The following PRKCA variants were observed in gnomAD, a reference collection of about 807,000 sequenced individuals.
The protein encoded by PRKCA is protein kinase C alpha type.
A neutral mutation model predicts 87.0 loss-of-function variants in PRKCA; 27 were observed. That is an observed-to-expected ratio of 0.31 (90% confidence interval 0.23 to 0.43). PRKCA has a LOEUF of 0.43. PRKCA is among the 20% of genes least tolerant of loss of function. PRKCA has a pLI of 1.00. For synonymous variants in PRKCA, 329 were observed against 311.1 expected (o/e 1.06, Z -0.61); for missense variants, 518 against 852.3 (o/e 0.61, Z 4.88).
At chr17:66,545,915 G>A (rs1968133139) in intron 3 of PRKCA, among the ~76,000 whole-genome samples, 1 of 152,200 alleles carries the variant, frequency 6.6e-6, no homozygotes, top group Admixed American at 6.5e-5. Context: ...AAACCTTACT[G>A]AGACTTGTTA....
intron 3 of PRKCA, among the ~76,000 whole-genome samples, chr17:66,497,559 T>C (rs1916532390): frequency 1.3e-5 from 2 of 151,606 alleles, no homozygotes; most frequent in East Asian, 1.9e-4. Context: ...ATATGTTGGA[T>C]AGAGAGAAAC....
intron 3 of PRKCA, among the ~76,000 whole-genome samples, chr17:66,514,052 T>TA (rs1966884509): frequency 6.6e-6 from 1 of 152,208 alleles, no homozygotes; most frequent in East Asian, 1.9e-4. Flanking sequence ...CACATTCACA[T>TA]AACTTTTATT....
chr17:66,347,398 T>C (rs1907448335), intron 2 of PRKCA, among the ~76,000 whole-genome samples: 1 of 152,208 alleles, frequency 6.6e-6, no homozygotes, highest in Non-Finnish European at 1.5e-5. Context: ...TTAATAGCTT[T>C]TTCACGTAAC....
intron 2 of PRKCA, among the ~76,000 whole-genome samples, chr17:66,487,119 T>G: frequency 6.6e-6 from 1 of 152,226 alleles, no homozygotes; most frequent in Non-Finnish European, 1.5e-5. Context: ...TGCTATCGAT[T>G]ACTAGAACTT....
At chr17:66,384,635 T>A (rs895889690) in intron 2 of PRKCA, among the ~76,000 whole-genome samples, 1 of 146,938 alleles carries the variant, frequency 6.8e-6, no homozygotes, top group African/African-American at 2.5e-5. Flanking sequence ...CTTAAATGAC[T>A]TTTTTTTTTT....
chr17:66,799,922 G>T (rs1568043014), intron 16 of PRKCA, among the ~76,000 whole-genome samples: 1 of 151,960 alleles, frequency 6.6e-6, no homozygotes, highest in Non-Finnish European at 1.5e-5. Flanking sequence ...CTGCCTCTTG[G>T]TGGGGGAAGG....
chr17:66,470,880 A>G (rs1032157556), intron 2 of PRKCA, among the ~76,000 whole-genome samples: 4 of 152,234 alleles, frequency 2.6e-5, no homozygotes, highest in African/African-American at 9.6e-5. Context: ...TTAGACGACA[A>G]CTAGCATCTC....
At chr17:66,511,617 G>A (rs762014079) in intron 3 of PRKCA, among the ~76,000 whole-genome samples, 2 of 152,070 alleles carry the variant, frequency 1.3e-5, no homozygotes, top group Admixed American at 6.5e-5. Flanking sequence ...TTGGGCTTGC[G>A]GATTTGCTGC....
chr17:66,405,345 T>G (rs867565842), intron 2 of PRKCA, among the ~76,000 whole-genome samples: 4 of 152,220 alleles, frequency 2.6e-5, no homozygotes, highest in African/African-American at 9.6e-5. Context: ...AATGGTGCAT[T>G]GGCAAAGTGA....
chr17:66,416,720 A>G (rs1178747873), intron 2 of PRKCA: 2 of 152,182 alleles, frequency 1.3e-5, no homozygotes, highest in East Asian at 3.9e-4. Context: ...GATCCCTGGC[A>G]GCCTGACTCT....
At chr17:66,362,210 T>C (rs1598615915) in intron 2 of PRKCA, among the ~76,000 whole-genome samples, 2 of 152,142 alleles carry the variant, frequency 1.3e-5, no homozygotes, top group Admixed American at 1.3e-4. Context: ...TAACTTTTTG[T>C]ATTTTTAGTA....
intron 3 of PRKCA, among the ~76,000 whole-genome samples, chr17:66,531,117 T>C (rs1967520669): frequency 6.6e-6 from 1 of 152,216 alleles, no homozygotes; most frequent in African/African-American, 2.4e-5. Context: ...CTCTGCTGGC[T>C]CTTGTTCACT....
At chr17:66,743,069 G>A (rs1273901974) in intron 13 of PRKCA, among the ~76,000 whole-genome samples, 6 of 152,188 alleles carry the variant, frequency 3.9e-5, no homozygotes, top group Non-Finnish European at 7.3e-5. Context: ...GGTGGCTCAC[G>A]CCTGTAATCC....
chr17:66,446,807 C>T (rs1914061870), intron 2 of PRKCA, among the ~76,000 whole-genome samples: 1 of 152,084 alleles, frequency 6.6e-6, no homozygotes. Flanking sequence ...CTAGTGATCC[C>T]CTAGATCTAA....
At chr17:66,557,744 A>G (rs1968544841) in intron 3 of PRKCA, among the ~76,000 whole-genome samples, 1 of 152,100 alleles carries the variant, frequency 6.6e-6, no homozygotes, top group South Asian at 2.1e-4. Flanking sequence ...TACTTCCAAA[A>G]CCTAGAATTT....
intron 9 of PRKCA, 25 bp from the exon 10 acceptor site, chr17:66,735,464 C>G: frequency 6.2e-7 from 1 of 1,613,986 alleles, no homozygotes; most frequent in Non-Finnish European, 8.5e-7. Flanking sequence ...TACAAGTGTT[C>G]AGGTTGTTCT....
rs1976091643 is a variant in PRKCA at position 66,808,513 on chromosome 17, T to A, written c.*4476T>A. 1 of 152,294 alleles carries A rather than the reference T, an allele frequency of 6.6e-6. No homozygotes were observed. Among genetic ancestry groups the A allele is most frequent in the Non-Finnish European group, 1.5e-5 (1 of 68,002 alleles). The allele number at this position is 152,294 out of a possible 1,614,324, so 9.4% of individuals were successfully genotyped here. ...CTGTTTCTTTATAACCCGACAAGGG[T>A]AGGAGTGCCTGTTTCCCCTGCTGGG... On this transcript the variant is annotated 3_prime_UTR_variant, in exon 17 of 17. Transcript: ENST00000413366.
chr17:66,606,002 A>G (rs1970197846), intron 3 of PRKCA, among the ~76,000 whole-genome samples: 1 of 152,194 alleles, frequency 6.6e-6, no homozygotes, highest in South Asian at 2.1e-4. Flanking sequence ...AATTGTGATA[A>G]TGGGAGCACA....
intron 8 of PRKCA, among the ~76,000 whole-genome samples, chr17:66,713,175 C>T (rs1339250870): frequency 6.6e-6 from 1 of 151,058 alleles, no homozygotes; most frequent in African/African-American, 2.4e-5. Context: ...CCTCAGTCTA[C>T]CGAGTAGCTG....
Sources: allele counts gnomAD v4.1 joint callset (sites outside exome capture counted in the v4.1 genomes callset), GRCh38; gene constraint gnomAD v4.1.1; transcripts MANE v1.5; gene names NCBI Gene and HGNC (gene_info 2026-07-23, HGNC 2026-07-21).